MTMR10: variants seen among roughly 807,000 people sequenced by gnomAD.
MTMR10 encodes myotubularin related protein 10, also known as myotubularin-related protein 10.
In MTMR10, 56 loss-of-function variants were observed where a neutral mutation model predicts 88.1. The ratio of observed to expected loss-of-function variants is 0.64; its 90% confidence interval spans 0.51 to 0.79. MTMR10 has a LOEUF of 0.79. Among genes scored for constraint, MTMR10 ranks in the 30% least tolerant of loss-of-function variants. MTMR10 has a pLI of 0.00. For missense variants in MTMR10, 883 were observed against 924.7 expected (o/e 0.95, Z 0.58); for synonymous variants, 380 against 340.9 (o/e 1.11, Z -1.26).
chr15:30,943,337 G>T, intron 14 of MTMR10: 1 of 985,274 alleles, frequency 1.0e-6, no homozygotes, highest in Non-Finnish European at 1.2e-6. Context: ...TGGGCAATAA[G>T]AATGTTATTA....
chr15:30,987,058 G>GA lies in MTMR10; in HGVS notation c.121+3718dup, dbSNP rs1276952910. 3.3e-5 allele frequency among the ~76,000 whole-genome samples: 5 copies of GA among 152,296 alleles called. No homozygotes were observed. The East Asian group carries it at 9.6e-4, about 29-fold the overall frequency. On this transcript the variant is annotated intron_variant, in intron 2 of 15. Transcript: ENST00000435680. ...CACATATACAATATAATCACTGAAAGAATGAAATTCACATAATGAGAGGAA... is the reference window on the plus strand; with the variant it reads ...CACATATACAATATAATCACTGAAAGAAATGAAATTCACATAATGAGAGGAA...
At position 30,941,542 on chromosome 15, in the gene MTMR10, TC is replaced by T; in HGVS notation, c.2261del (p.Gly754GlufsTer4). The T allele has an allele frequency of 6.2e-7, 1 of 1,608,310 alleles. No individual in the cohort carries two copies. The highest frequency in any genetic ancestry group is 8.5e-7 in the Non-Finnish European group (1 of 1,176,898). On this transcript the variant is annotated frameshift_variant, in exon 16 of 16. Coordinates refer to ENST00000435680, the MANE Select transcript of MTMR10 (RefSeq NM_017762.3). LOFTEE classifies it high-confidence loss of function. ...VGNLCRRSIL[G>X]TPLSKFLSGA... Reference sequence around the variant, plus strand: ...CACTTAAAAATTTGCTTAATGGTGTTCCTAAAATGCTTCGTCTGCACAGATT... The same window carrying T: ...CACTTAAAAATTTGCTTAATGGTGTTCTAAAATGCTTCGTCTGCACAGATT...
the MTMR10 span, among the ~76,000 whole-genome samples, chr15:30,933,924 C>G: frequency 6.6e-6 from 1 of 152,066 alleles, no homozygotes; most frequent in Admixed American, 6.6e-5. Flanking sequence ...TCATGCCCAG[C>G]TGATTTTTTT....
chr15:30,968,026 C>T lies in MTMR10; in HGVS notation c.475-16G>A, dbSNP rs762882371. 2.6e-6 allele frequency: 4 copies of T among 1,516,618 alleles called. No homozygotes were observed. Among genetic ancestry groups the T allele is most frequent in the Non-Finnish European group, 3.6e-6 (4 of 1,116,224 alleles). The allele number at this position is 1,516,618 out of a possible 1,614,324, so 93.9% of individuals were successfully genotyped here. On this transcript the variant is annotated splice_polypyrimidine_tract_variant and intron_variant, in intron 5 of 15. Transcript: ENST00000435680. The stretch of plus-strand genomic sequence containing the variant: ...CAAGGCATACCTAGGAAAAATTCTA[C>T]ATTTAGAATTTGATTTTAACACACT...
At chr15:30,972,214 T>C (rs2063545794) in intron 5 of MTMR10, among the ~76,000 whole-genome samples, 1 of 152,180 alleles carries the variant, frequency 6.6e-6, no homozygotes, top group East Asian at 1.9e-4. Context: ...TACCGAATTT[T>C]AGATGAAAAC....
At chr15:30,925,844 T>A in the MTMR10 span, 1 of 1,614,254 alleles carries the variant, frequency 6.2e-7, no homozygotes, top group South Asian at 1.1e-5. Flanking sequence ...TCTGTGTTTG[T>A]GATGGAGGCC....
intron 2 of MTMR10, among the ~76,000 whole-genome samples, chr15:30,987,491 G>T (rs2031012965): frequency 6.6e-6 from 1 of 152,122 alleles, no homozygotes; most frequent in African/African-American, 2.4e-5. Context: ...GGATCATTTT[G>T]AAATTAGGCT....
Position 30,948,448 on chromosome 15 carries a change from A to T in MTMR10, c.1231T>A (p.Cys411Ser). 6.2e-7 allele frequency: 1 copy of T among 1,610,084 alleles called. No homozygotes were observed. The highest frequency in any genetic ancestry group is 1.3e-5 in the African/African-American group (1 of 75,026). ...ACTTGAACAAGAGAAGCTACACAACAGCTCAAGTCTCTTCCTTCCTCCTCT... is the reference window on the plus strand; with the variant it reads ...ACTTGAACAAGAGAAGCTACACAACTGCTCAAGTCTCTTCCTTCCTCCTCT... ...LQEEEGRDLS[C>S]CVASLVQVML... Residue 411 changes from cysteine to serine, a missense_variant, in exon 13 of 16, where the codon TGT becomes AGT. Cys to Ser is a moderately radical substitution (Grantham distance 112, BLOSUM62 -1). Around this residue, in one of 3 missense-constraint regions of MTMR10, gnomAD observed 126 missense variants for 178.2 expected, o/e 0.71. Coordinates refer to ENST00000435680, the MANE Select transcript of MTMR10 (RefSeq NM_017762.3).
At chr15:30,923,404 C>T in the MTMR10 span, among the ~76,000 whole-genome samples, 5 of 152,154 alleles carry the variant, frequency 3.3e-5, no homozygotes, top group Non-Finnish European at 7.4e-5. Context: ...TACAGATTTC[C>T]CCTCTGTTCA....
At chr15:30,926,692 G>A in the MTMR10 span, 1 of 985,402 alleles carries the variant, frequency 1.0e-6, no homozygotes, top group Middle Eastern at 5.2e-4. Flanking sequence ...AGAAATAGAA[G>A]AATAGAATGC....
intron 7 of MTMR10, among the ~76,000 whole-genome samples, chr15:30,959,575 C>T (rs912554392): frequency 2.6e-5 from 4 of 152,222 alleles, no homozygotes; most frequent in Admixed American, 6.5e-5. Context: ...ACTGATCAGA[C>T]AATAATTACT....
intron 6 of MTMR10, among the ~76,000 whole-genome samples, chr15:30,965,320 G>C (rs2063460074): frequency 6.6e-6 from 1 of 152,216 alleles, no homozygotes; most frequent in African/African-American, 2.4e-5. Context: ...AAATGTCACT[G>C]AAAATGTACA....
At chr15:30,965,037 G>C (rs1264873290) in intron 6 of MTMR10, among the ~76,000 whole-genome samples, 1 of 152,208 alleles carries the variant, frequency 6.6e-6, no homozygotes, top group Non-Finnish European at 1.5e-5. Flanking sequence ...TCAAAAGCAT[G>C]AGTCAACAAA....
intron 15 of MTMR10, chr15:30,942,612 G>A (rs2063091898): frequency 2.5e-6 from 1 of 406,688 alleles, no homozygotes; most frequent in Admixed American, 4.1e-5. Context: ...GTGGCGGCTT[G>A]AATCATCAAG....
At chr15:30,937,954 G>C (rs1174594869), downstream of MTMR10, among the ~76,000 whole-genome samples, 1 of 151,224 alleles carries the variant, frequency 6.6e-6, no homozygotes, top group Non-Finnish European at 1.5e-5. Flanking sequence ...GGCTGAGCGA[G>C]GCAGGCGCAT....
At chr15:30,936,817 G>A (rs143135866), downstream of MTMR10, among the ~76,000 whole-genome samples, 797 of 152,274 alleles carry the variant, frequency 5.2e-3, 4 homozygotes, top group Non-Finnish European at 8.7e-3. Context: ...ATGATCATGT[G>A]GCTGACTGGG....
At chr15:30,922,463 C>A in the MTMR10 span, 1 of 1,116,848 alleles carries the variant, frequency 9.0e-7, no homozygotes. Flanking sequence ...ACATGTATTT[C>A]TTTTGTTAAC....
At chr15:30,922,561 T>G in the MTMR10 span, among the ~76,000 whole-genome samples, 1 of 152,210 alleles carries the variant, frequency 6.6e-6, no homozygotes, top group Non-Finnish European at 1.5e-5. Flanking sequence ...AGCTTTTGTC[T>G]TCTCTTTGCT....
At chr15:30,921,235 C>T in the MTMR10 span, among the ~76,000 whole-genome samples, 3,611 of 152,070 alleles carry the variant, frequency 0.024, 140 homozygotes, top group African/African-American at 0.083. Flanking sequence ...CTGGGGGTGG[C>T]GGCCACCATC....
Sources: gnomAD v4.1 joint callset for allele counts (sites outside exome capture counted in the v4.1 genomes callset) on GRCh38, gnomAD v4.1.1 for gene constraint, gnomAD v4.1.1 regional missense constraint, MANE v1.5 for transcripts, NCBI Gene and HGNC (gene_info 2026-07-23, HGNC 2026-07-21) for gene names.